CAPS2: variants seen among roughly 807,000 people sequenced by gnomAD.
CAPS2 encodes the protein calcyphosin-2.
In CAPS2, 98 loss-of-function variants were observed where a neutral mutation model predicts 86.5. The ratio of observed to expected loss-of-function variants is 1.13; its 90% confidence interval spans 0.96 to 1.34. The LOEUF is 1.34. Ranked by LOEUF, CAPS2 falls within the 40% of genes most tolerant of loss-of-function variation. CAPS2 has a pLI of 0.00. For synonymous variants in CAPS2, 210 were observed against 225.1 expected, an observed-to-expected ratio of 0.93 and a Z score of 0.60; for missense variants, 729 against 686.8, an observed-to-expected ratio of 1.06 and a Z score of -0.69.
At chr12:75,371,619 T>C (rs1405803993) in intron 1 of CAPS2, 1 of 158,322 alleles carries the variant, frequency 6.3e-6, no homozygotes, top group African/African-American at 2.4e-5. Context: ...ATAATACAGC[T>C]ATCCTTTGTA....
upstream of CAPS2, among the ~76,000 whole-genome samples, chr12:75,326,943 C>G (rs945000576): frequency 4.3e-4 from 65 of 152,056 alleles, no homozygotes; most frequent in African/African-American, 1.6e-3. Context: ...GGTGAAGATG[C>G]TAGGCATTCT....
chr12:75,355,310 A>C (rs532900328), intron 1 of CAPS2, among the ~76,000 whole-genome samples: 8 of 152,328 alleles, frequency 5.3e-5, no homozygotes, highest in Admixed American at 3.9e-4. Context: ...AAATGGGCAA[A>C]AGACATGAAC....
chr12:75,291,480 CATATATATATAT>C (rs556770226), intron 13 of CAPS2, among the ~76,000 whole-genome samples: 3,742 of 18,612 alleles, frequency 0.2, 286 homozygotes, highest in Admixed American at 0.27. Context: ...ACAATAAAAG[CATATATATATAT>C]ATATATATAT....
intron 9 of CAPS2, 61 bp downstream of exon 9, chr12:75,299,776 T>A (rs2037500626): frequency 1.2e-6 from 1 of 807,966 alleles, no homozygotes; most frequent in Non-Finnish European, 2.0e-6. Flanking sequence ...TCATTTCTAT[T>A]CAAAAAGAGA....
At chr12:75,330,620 A>G (rs2041226699), upstream of CAPS2, among the ~76,000 whole-genome samples, 1 of 152,190 alleles carries the variant, frequency 6.6e-6, no homozygotes, top group Non-Finnish European at 1.5e-5. Context: ...TAGATATTAG[A>G]CATGGATATT....
chr12:75,288,664 A>G (rs1193265850), intron 14 of CAPS2, among the ~76,000 whole-genome samples: 1 of 152,230 alleles, frequency 6.6e-6, no homozygotes, highest in African/African-American at 2.4e-5. Context: ...GACATGCAAG[A>G]CTTTAATGTA....
At chr12:75,329,906 G>A, upstream of CAPS2, 3 of 1,527,694 alleles carry the variant, frequency 2.0e-6, no homozygotes, top group Admixed American at 2.0e-5. Flanking sequence ...AGGGGCACAA[G>A]AGACAGTCAG....
At chr12:75,356,030 G>C (rs542837666) in intron 1 of CAPS2, among the ~76,000 whole-genome samples, 1 of 152,138 alleles carries the variant, frequency 6.6e-6, no homozygotes, top group Admixed American at 6.5e-5. Context: ...ACGCATGCTG[G>C]GCTTAATACC....
intron 1 of CAPS2, among the ~76,000 whole-genome samples, chr12:75,367,267 GGA>G (rs1491348336): frequency 4.0e-4 from 25 of 62,422 alleles, no homozygotes; most frequent in Admixed American, 2.9e-3. Context: ...CTTCCTAGGA[GGA>G]AAAAAAAAAA....
chr12:75,324,780 T>C (rs2040612040), intron 2 of CAPS2, among the ~76,000 whole-genome samples: 1 of 151,974 alleles, frequency 6.6e-6, no homozygotes, highest in Admixed American at 6.6e-5. Context: ...CAAAATAACA[T>C]GCAACATAAA....
chr12:75,342,891 CTT>C (rs2042210273), intron 1 of CAPS2, among the ~76,000 whole-genome samples: 1 of 151,890 alleles, frequency 6.6e-6, no homozygotes, highest in African/African-American at 2.4e-5. Flanking sequence ...TTGTATATCA[CTT>C]ATTAAATTTA....
chr12:75,287,969 A>C (rs1180551923), intron 14 of CAPS2, among the ~76,000 whole-genome samples: 1 of 152,186 alleles, frequency 6.6e-6, no homozygotes, highest in African/African-American at 2.4e-5. Context: ...GTCAGAATTG[A>C]ATTGAATTAG....
intron 14 of CAPS2, 50 bp from the exon 15 acceptor site, chr12:75,285,130 C>G: frequency 1.3e-6 from 2 of 1,563,092 alleles, no homozygotes; most frequent in Admixed American, 3.7e-5. Context: ...CATATCGTCA[C>G]AACAAAATCA....
intron 15 of CAPS2, among the ~76,000 whole-genome samples, chr12:75,284,740 T>C (rs573173181): frequency 6.6e-6 from 1 of 152,116 alleles, no homozygotes. Flanking sequence ...ATTTCAAATT[T>C]TATTTTCCTT....
intron 12 of CAPS2, 96 bp from the exon 13 acceptor site, chr12:75,291,916 A>G (rs2036038453): frequency 4.6e-6 from 2 of 438,080 alleles, no homozygotes. Flanking sequence ...TCCAGACTCA[A>G]AGAAGCTCTC....
At chr12:75,334,576 A>G, upstream of CAPS2, 2 of 1,435,540 alleles carry the variant, frequency 1.4e-6, no homozygotes, top group Admixed American at 3.0e-5. Flanking sequence ...CCACAGCGAC[A>G]CTGACAAGTT....
intron 1 of CAPS2, among the ~76,000 whole-genome samples, chr12:75,356,797 A>C (rs2043184083): frequency 6.6e-6 from 1 of 152,196 alleles, no homozygotes; most frequent in African/African-American, 2.4e-5. Flanking sequence ...GCTGCCTATG[A>C]AAAACTTTAG....
chr12:75,335,011 T>C (rs1391884832), upstream of CAPS2: 4 of 1,090,010 alleles, frequency 3.7e-6, no homozygotes, highest in East Asian at 7.6e-5. Flanking sequence ...ACTTTACATA[T>C]ATGCAGTTAA....
intron 11 of CAPS2, among the ~76,000 whole-genome samples, 163 bp from the exon 12 acceptor site, chr12:75,293,530 T>C (rs569085098): frequency 1.2e-4 from 19 of 152,352 alleles, no homozygotes; most frequent in Non-Finnish European, 2.4e-4. Context: ...AGAAACTATA[T>C]AGATAAACCA....
Sources: gnomAD v4.1 joint callset for allele counts (sites outside exome capture counted in the v4.1 genomes callset) on GRCh38, gnomAD v4.1.1 for gene constraint, MANE v1.5 for transcripts, NCBI Gene and HGNC (gene_info 2026-07-23, HGNC 2026-07-21) for gene names.